Variants in IKBKB observed in about 807,000 individuals in gnomAD.
IKBKB encodes inhibitor of nuclear factor kappa B kinase subunit beta.
A neutral mutation model predicts 113.6 loss-of-function variants in IKBKB; 42 were observed. That is an observed-to-expected ratio of 0.37 (90% CI 0.29 to 0.48). The LOEUF (loss-of-function observed/expected upper bound fraction) is 0.48. Ranked by LOEUF, IKBKB falls within the 20% of genes least tolerant of loss-of-function variation. IKBKB has a pLI of 0.99. For missense variants in IKBKB, 673 were observed against 939.7 expected (o/e 0.72, Z 3.71); for synonymous variants, 296 against 361.3 (o/e 0.82, Z 2.05).
In IKBKB at chr8:42,316,862, G is replaced by A. The variant is rs56230731; in HGVS notation, c.1083G>A (p.Leu361=). 0.013 allele frequency: 20,673 copies of A among 1,614,106 alleles called. 185 individuals carry two copies. Among genetic ancestry groups the A allele is most frequent in the Non-Finnish European group, 0.016 (18,660 of 1,180,016 alleles). ...QELLQEAGLA[L]IPDKPATQCI... Reference sequence around the variant, plus strand: ...TGCTGCAGGAAGCGGGCCTGGCGTTGATCCCCGATAAGCCTGCCACTCAGT... The same window carrying A: ...TGCTGCAGGAAGCGGGCCTGGCGTTAATCCCCGATAAGCCTGCCACTCAGT... Residue 361 remains leucine, a synonymous_variant, in exon 11 of 22, where the codon TTG becomes TTA. Transcript: ENST00000520810. The surrounding 1 kb of genome is among the most constrained non-coding windows in gnomAD (Gnocchi z 4.5).
chr8:42,326,714 G>C (rs1201121758), intron 20 of IKBKB, among the ~76,000 whole-genome samples: 1 of 152,086 alleles, frequency 6.6e-6, no homozygotes, highest in Non-Finnish European at 1.5e-5. Context: ...GTCTCATCTG[G>C]GCCAGCAGTG....
At chr8:42,326,179 A>G (rs1820704487) in intron 20 of IKBKB, 82 bp downstream of exon 20, 1 of 1,520,888 alleles carries the variant, frequency 6.6e-7, no homozygotes, top group South Asian at 1.2e-5. Flanking sequence ...TCACTGGTAA[A>G]TGTCTGTCTG....
chr8:42,306,009 G>T (rs565102213), intron 6 of IKBKB, among the ~76,000 whole-genome samples: 2 of 152,376 alleles, frequency 1.3e-5, no homozygotes, highest in African/African-American at 4.8e-5. Flanking sequence ...GGCATTTACT[G>T]AGAAGAGGCT....
At chr8:42,328,324 C>T (rs980881119) in intron 20 of IKBKB, among the ~76,000 whole-genome samples, 10 of 151,040 alleles carry the variant, frequency 6.6e-5, no homozygotes, top group African/African-American at 2.0e-4. Context: ...GTAGCTAGAC[C>T]GGGAGCCTGT....
intron 15 of IKBKB, chr8:42,319,927 T>G: frequency 2.7e-6 from 1 of 372,936 alleles, no homozygotes; most frequent in Non-Finnish European, 4.8e-6. Context: ...CCAAGACCAT[T>G]TCCTGTTAGG....
intron 2 of IKBKB, among the ~76,000 whole-genome samples, chr8:42,283,428 G>T (rs1238449361): frequency 2.0e-5 from 3 of 152,108 alleles, no homozygotes; most frequent in African/African-American, 7.2e-5. Flanking sequence ...TTAGAGATTG[G>T]CCTGGCTTCC....
intron 6 of IKBKB, 151 bp from the exon 7 acceptor site, chr8:42,306,192 C>G: frequency 6.9e-6 from 4 of 575,754 alleles, no homozygotes; most frequent in South Asian, 5.8e-5. Flanking sequence ...CGAGGGCATT[C>G]TTTTGTGTAT....
rs17875666 is a variant in IKBKB at position 42,278,505 on chromosome 8, G to A, written c.105+6300G>A. ...CATAGTGTGCAGCAGTTCTCATGGAGTAGCTACTCCCACCAGGGCTGACTT... is the reference window on the plus strand; with the variant it reads ...CATAGTGTGCAGCAGTTCTCATGGAATAGCTACTCCCACCAGGGCTGACTT... On this transcript the variant is annotated intron_variant, in intron 2 of 21. Coordinates refer to ENST00000520810, the MANE Select transcript of IKBKB (RefSeq NM_001556.3). Among the ~76,000 whole-genome samples, 313 of 152,276 alleles carry A rather than the reference G, an allele frequency of 2.1e-3. 1 individual carries two copies. Among genetic ancestry groups the A allele is most frequent in the African/African-American group, 7.2e-3 (298 of 41,556 alleles).
intron 8 of IKBKB, among the ~76,000 whole-genome samples, chr8:42,312,088 G>A (rs936632549): frequency 6.6e-6 from 1 of 152,096 alleles, no homozygotes; most frequent in South Asian, 2.1e-4. Context: ...GGGTTTCACC[G>A]TGTTAGCCAG....
Position 42,331,708 on chromosome 8 carries a change from G to A in IKBKB, c.*729G>A, listed in dbSNP as rs1287363873. The A allele has an allele frequency of 9.3e-6, 4 of 431,156 alleles. No homozygotes were observed. The highest frequency in any genetic ancestry group is 8.0e-5 in the African/African-American group (4 of 50,120). 26.7% of individuals were successfully genotyped at this position (431,156 alleles called of 1,614,324 possible). A position where few individuals can be genotyped will look rare whatever the true frequency, so the allele number is the denominator to read the frequency against. On this transcript the variant is annotated 3_prime_UTR_variant, in exon 22 of 22. Coordinates refer to ENST00000520810, the MANE Select transcript of IKBKB (RefSeq NM_001556.3). ...AGAGCGACTCATAGTAACCAGGATG[G>A]GAGAGCAGCTGCCTTATTCTGAATC...
intron 7 of IKBKB, among the ~76,000 whole-genome samples, chr8:42,306,756 A>G (rs1032427418): frequency 2.6e-5 from 4 of 152,142 alleles, no homozygotes; most frequent in Non-Finnish European, 5.9e-5. Flanking sequence ...CGGTCCTCCC[A>G]CCTCAGCCTC....
At chr8:42,322,533 G>A (rs769393187) in intron 19 of IKBKB, 39 bp downstream of exon 19, 1 of 1,607,082 alleles carries the variant, frequency 6.2e-7, no homozygotes, top group South Asian at 1.1e-5. Flanking sequence ...TGGCCTAGCA[G>A]CCTCCTGTGC....
At chr8:42,320,713 A>C in intron 15 of IKBKB, 22 bp from the exon 16 acceptor site, 1 of 1,595,860 alleles carries the variant, frequency 6.3e-7, no homozygotes, top group Non-Finnish European at 8.6e-7. Flanking sequence ...ATCAGTTGAC[A>C]TTAGCACAGC....
intron 1 of IKBKB, 177 bp from the exon 2 acceptor site, chr8:42,271,906 A>G: frequency 1.4e-6 from 1 of 689,728 alleles, no homozygotes; most frequent in Non-Finnish European, 2.3e-6. Flanking sequence ...GAGGGACAAA[A>G]GTTTGCCACA....
chr8:42,304,352 A>C (rs1816064744), intron 5 of IKBKB, among the ~76,000 whole-genome samples: 1 of 152,092 alleles, frequency 6.6e-6, no homozygotes, highest in Non-Finnish European at 1.5e-5. Context: ...CCCTCTCTTG[A>C]GGGTAAAATC....
rs76718889 is a variant in IKBKB, at chr8:42,330,097, C to G, written c.2206-817C>G. 1.1e-3 allele frequency: 1,115 copies of G among 985,368 alleles called. 13 individuals are homozygous for G. The African/African-American group carries it at 0.015, about 13-fold the overall frequency. 61.0% of individuals were successfully genotyped at this position (985,368 alleles called of 1,614,324 possible). A position where few individuals can be genotyped will look rare whatever the true frequency, so the allele number is the denominator to read the frequency against. On this transcript the variant is annotated intron_variant, in intron 21 of 21. Transcript: ENST00000520810. ...CTGTGGGAGGAAGAGGAAGTCTCATCAGGCCAAGTCATGTGGTGAGGCTGG... is the reference window on the plus strand; with the variant it reads ...CTGTGGGAGGAAGAGGAAGTCTCATGAGGCCAAGTCATGTGGTGAGGCTGG...
intron 13 of IKBKB, 25 bp from the exon 14 acceptor site, chr8:42,319,245 A>G: frequency 6.2e-7 from 1 of 1,612,818 alleles, no homozygotes; most frequent in Non-Finnish European, 8.5e-7. Flanking sequence ...AGATGCTCCA[A>G]GACTGTTCCT....
rs1012722769 is a variant in IKBKB, at chr8:42,319,852, C to G, written c.1578+206C>G. 1.5e-5 allele frequency: 8 copies of G among 533,992 alleles called. No homozygotes were observed. The African/African-American group carries it at 1.6e-4, about 10-fold the overall frequency. The allele number at this position is 533,992 out of a possible 1,614,324, so 33.1% of individuals were successfully genotyped here. On this transcript the variant is annotated intron_variant, in intron 15 of 21. Transcript: ENST00000520810. ...CCTCTGTGGCCAGATGCAAGAGCTG[C>G]ATGAATGGACAGAGATGGTCCAGGT...
rs1458065391 is a variant in IKBKB, at chr8:42,272,140, G to A, written c.40G>A (p.Ala14Thr). The A allele has an allele frequency of 6.2e-7, 1 of 1,614,200 alleles. No homozygotes were observed. The highest frequency in any genetic ancestry group is 1.7e-5 in the Admixed American group (1 of 60,022). The change falls in exon 2 of 22, where the codon GCC becomes ACC. Residue 14 changes from alanine (A) to threonine (T), a missense_variant. Ala to Thr is a moderately conservative substitution (Grantham distance 58). This residue lies in a region of IKBKB where 167 missense variants were observed against 301.0 expected (regional missense o/e 0.55). Transcript: ENST00000520810. ...TTCCCTGACAACGCAGACATGTGGG[G>A]CCTGGGAAATGAAAGAGCGCCTTGG... ...SPSLTTQTCG[A>T]WEMKERLGTG... is the part of the protein sequence containing the mutation.
Sources: allele counts gnomAD v4.1 joint callset (sites outside exome capture counted in the v4.1 genomes callset), GRCh38; gene constraint gnomAD v4.1.1; regional missense constraint gnomAD v4.1.1; non-coding constraint Gnocchi (gnomAD v3.1); transcripts MANE v1.5; gene names NCBI Gene and HGNC (gene_info 2026-07-23, HGNC 2026-07-21).